ARNT2: variants seen among roughly 807,000 people sequenced by gnomAD.
ARNT2 encodes ARNT protein 2.
Under a neutral mutation model 91.7 loss-of-function variants are expected in ARNT2, and 36 were observed. That is an observed-to-expected ratio of 0.39 (90% CI 0.30 to 0.52). The LOEUF is 0.52. Among genes scored for constraint, ARNT2 ranks in the 20% least tolerant of loss-of-function variants. The pLI, the probability that ARNT2 is intolerant of heterozygous loss-of-function variation, is 0.72. For missense variants in ARNT2, 775 were observed against 939.3 expected (o/e 0.83, Z 2.29); for synonymous variants, 365 against 347.1 (o/e 1.05, Z -0.57).
At chr15:80,503,082 T>C (rs1897222739) in intron 5 of ARNT2, among the ~76,000 whole-genome samples, 1 of 152,174 alleles carries the variant, frequency 6.6e-6, no homozygotes, top group Non-Finnish European at 1.5e-5. Context: ...CCCATGGCTC[T>C]AAGCAGAACC....
rs1416881220 is a variant in ARNT2 at position 80,404,640 on chromosome 15, C to T, written c.31+94C>T. The T allele has an allele frequency of 1.1e-6, 1 of 873,224 alleles. No individual in the cohort carries two copies. The highest frequency in any genetic ancestry group is 1.4e-6 in the Non-Finnish European group (1 of 722,924). The allele number at this position is 873,224 out of a possible 1,614,324, so 54.1% of individuals were successfully genotyped here. Reference sequence around the variant, plus strand: ...GGCGCGCCGGGCGCCCCCGGGGGCGCGGAGCCGCAGCTCGGCGCGGTGGGT... The same window carrying T: ...GGCGCGCCGGGCGCCCCCGGGGGCGTGGAGCCGCAGCTCGGCGCGGTGGGT... On this transcript the variant is annotated intron_variant, in intron 1 of 18. Transcript: ENST00000303329. The surrounding 1 kb of genome is among the most constrained non-coding windows in gnomAD (Gnocchi z 5.5).
chr15:80,412,720 C>G (rs892939084), intron 1 of ARNT2, among the ~76,000 whole-genome samples: 4 of 152,136 alleles, frequency 2.6e-5, no homozygotes, highest in Non-Finnish European at 4.4e-5. Context: ...TTGTACACAC[C>G]ATTGTATTGA....
chr15:80,568,901 C>T (rs1424920911), intron 12 of ARNT2, among the ~76,000 whole-genome samples: 5 of 152,222 alleles, frequency 3.3e-5, no homozygotes, highest in Non-Finnish European at 7.3e-5. Flanking sequence ...AGCCAGTCCA[C>T]GTGGCCCAGG....
chr15:80,463,579 T>A (rs890237617), intron 3 of ARNT2, among the ~76,000 whole-genome samples: 1 of 88,640 alleles, frequency 1.1e-5, no homozygotes, highest in Non-Finnish European at 2.8e-5. Context: ...GATTTCCTTT[T>A]TTTTTTTTTT....
chr15:80,535,734 T>TTGG lies in ARNT2; in HGVS notation c.878-15464_878-15463insGGT, dbSNP rs371949113. 1.3e-3 allele frequency among the ~76,000 whole-genome samples: 95 copies of TTGG among 75,506 alleles called. 1 individual carries two copies. The highest frequency in any genetic ancestry group is 4.2e-3 in the African/African-American group (92 of 21,790). 49.5% of individuals were successfully genotyped at this position (75,506 alleles called of 152,430 possible). ...GTTGTTTTGCATCACACAGGTTTTT[T>TTGG]TTTTTTTTGTCTGTTTAAATAAAAG... On this transcript the variant is annotated intron_variant, in intron 8 of 18. Coordinates refer to ENST00000303329, the MANE Select transcript of ARNT2 (RefSeq NM_014862.4).
intron 5 of ARNT2, among the ~76,000 whole-genome samples, chr15:80,492,017 A>G (rs886323885): frequency 1.3e-5 from 2 of 152,002 alleles, no homozygotes; most frequent in Non-Finnish European, 2.9e-5. Context: ...TATTCTGTTT[A>G]TGCAGAGTGT....
chr15:80,426,335 G>T (rs1411747273), intron 1 of ARNT2, among the ~76,000 whole-genome samples: 2 of 152,202 alleles, frequency 1.3e-5, no homozygotes, highest in Non-Finnish European at 2.9e-5. Context: ...TGGATTGCTG[G>T]TAGCTTCTTA....
At chr15:80,474,964 C>G in intron 4 of ARNT2, 46 bp from the exon 5 acceptor site, 1 of 1,585,734 alleles carries the variant, frequency 6.3e-7, no homozygotes, top group Non-Finnish European at 8.6e-7. Context: ...TTGAATCATC[C>G]TGGGTCTGTC....
intron 17 of ARNT2, among the ~76,000 whole-genome samples, chr15:80,586,291 T>C (rs972940201): frequency 2.0e-5 from 3 of 152,108 alleles, no homozygotes; most frequent in Non-Finnish European, 4.4e-5. Flanking sequence ...TCCAGATATA[T>C]TGTCTTGGCA....
In ARNT2 at chr15:80,594,516, A is replaced by T. The variant is rs1213358848; in HGVS notation, c.*818A>T. ...GAGGCACAGCTAGGGGCATGCTCAC[A>T]TGGGTAGGTCAGTTCTTTGGTCCAA... On this transcript the variant is annotated 3_prime_UTR_variant, in exon 19 of 19. Coordinates refer to ENST00000303329, the MANE Select transcript of ARNT2 (RefSeq NM_014862.4). 6.6e-6 allele frequency: 1 copy of T among 152,292 alleles called. No homozygotes were observed. The highest frequency in any genetic ancestry group is 2.4e-5 in the African/African-American group (1 of 41,444). The allele number at this position is 152,292 out of a possible 1,614,324, so 9.4% of individuals were successfully genotyped here. A position where few individuals can be genotyped will look rare whatever the true frequency, so the allele number is the denominator to read the frequency against.
At chr15:80,431,393 T>C (rs2141569182) in intron 1 of ARNT2, among the ~76,000 whole-genome samples, 1 of 152,274 alleles carries the variant, frequency 6.6e-6, no homozygotes, top group Admixed American at 6.5e-5. Flanking sequence ...ACAGGTCCTT[T>C]CCTGACCTTG....
intron 5 of ARNT2, chr15:80,475,492 A>G (rs181082549): frequency 5.5e-4 from 184 of 332,940 alleles, no homozygotes; most frequent in African/African-American, 3.8e-3. Context: ...CCTGGGAGGC[A>G]GAGCTTGCAG....
chr15:80,548,774 A>G (rs1249677119), intron 8 of ARNT2, among the ~76,000 whole-genome samples: 1 of 152,136 alleles, frequency 6.6e-6, no homozygotes, highest in Non-Finnish European at 1.5e-5. Context: ...AAATGAGAAA[A>G]CATCCTTTGT....
intron 1 of ARNT2, among the ~76,000 whole-genome samples, chr15:80,410,301 C>T (rs1895662487): frequency 6.6e-6 from 1 of 152,178 alleles, no homozygotes; most frequent in Non-Finnish European, 1.5e-5. Flanking sequence ...GGGGCAGAAT[C>T]ATCATGACTT....
At chr15:80,490,563 C>T (rs541829931) in intron 5 of ARNT2, among the ~76,000 whole-genome samples, 1 of 152,320 alleles carries the variant, frequency 6.6e-6, no homozygotes, top group South Asian at 2.1e-4. Context: ...TGAGGTTTAC[C>T]CAAAATAACC....
chr15:80,414,712 C>T (rs977282163), intron 1 of ARNT2, among the ~76,000 whole-genome samples: 1 of 151,854 alleles, frequency 6.6e-6, no homozygotes, highest in Non-Finnish European at 1.5e-5. Flanking sequence ...TTCCAAGTCC[C>T]CCAAAGAATA....
intron 3 of ARNT2, among the ~76,000 whole-genome samples, chr15:80,462,030 G>A (rs955095697): frequency 2.6e-5 from 4 of 152,080 alleles, no homozygotes; most frequent in African/African-American, 7.2e-5. Flanking sequence ...TAGTGAGGTC[G>A]GCACCAGTCC....
intron 8 of ARNT2, among the ~76,000 whole-genome samples, chr15:80,516,849 A>ATATATATATATATATATATATATATG (rs1249207936): frequency 7.1e-6 from 1 of 141,096 alleles, no homozygotes; most frequent in Non-Finnish European, 1.5e-5. Flanking sequence ...ATATATATAT[A>ATATATATATATATATATATATATATG]TATATATCCA....
intron 5 of ARNT2, among the ~76,000 whole-genome samples, chr15:80,498,352 A>G (rs1000586397): frequency 5.2e-4 from 79 of 152,180 alleles, no homozygotes; most frequent in Non-Finnish European, 1.6e-4. Context: ...ACTGTTTCTC[A>G]ACCTCCTTGG....
Sources: gnomAD v4.1 joint callset for allele counts (sites outside exome capture counted in the v4.1 genomes callset) on GRCh38, gnomAD v4.1.1 for gene constraint, Gnocchi (gnomAD v3.1) non-coding constraint, MANE v1.5 for transcripts, NCBI Gene and HGNC (gene_info 2026-07-23, HGNC 2026-07-21) for gene names.